NCOA2: variants seen among roughly 807,000 people sequenced by gnomAD.
NCOA2 encodes the protein class E basic helix-loop-helix protein 75.
Under a neutral mutation model 145.1 loss-of-function variants are expected in NCOA2, and 21 were observed. That is an observed-to-expected ratio of 0.14 (90% confidence interval 0.10 to 0.21). The LOEUF is 0.21. NCOA2 is among the 10% of genes least tolerant of loss of function. The pLI is 1.00. For synonymous variants in NCOA2, 619 were observed against 637.5 expected (o/e 0.97, Z 0.44); for missense variants, 1,472 against 1,837.6 (o/e 0.80, Z 3.64).
chr8:70,354,821 A>G (rs1809541697), intron 1 of NCOA2, among the ~76,000 whole-genome samples: 1 of 152,230 alleles, frequency 6.6e-6, no homozygotes, highest in African/African-American at 2.4e-5. Flanking sequence ...CACTTAAGCA[A>G]GACTGGGAAA....
At chr8:70,319,947 T>G (rs77673024) in intron 1 of NCOA2, among the ~76,000 whole-genome samples, 4,898 of 152,306 alleles carry the variant, frequency 0.032, 254 homozygotes, top group African/African-American at 0.11. Flanking sequence ...TATTTTTAAC[T>G]GTCCGATTTG....
intron 2 of NCOA2, among the ~76,000 whole-genome samples, chr8:70,254,630 T>TA (rs1823482888): frequency 7.6e-6 from 1 of 130,928 alleles, no homozygotes. Context: ...TGATTCCTCT[T>TA]ACATGAGGTA....
intron 1 of NCOA2, among the ~76,000 whole-genome samples, chr8:70,397,420 T>G (rs1467103219): frequency 1.4e-5 from 2 of 142,068 alleles, no homozygotes; most frequent in Non-Finnish European, 3.0e-5. Context: ...ACCACTGCAC[T>G]CCAACCTGGG....
chr8:70,202,355 T>C lies in NCOA2; in HGVS notation c.259+11548A>G, dbSNP rs572251287. Among the ~76,000 whole-genome samples the C allele has an allele frequency of 5.9e-5, 9 of 152,292 alleles. No homozygotes were observed. In the East Asian group the frequency reaches 7.7e-4, roughly 13 times the overall value. On this transcript the variant is annotated intron_variant, in intron 4 of 22. Transcript: ENST00000452400. Reference sequence around the variant, plus strand: ...ACTTCTGGGTATATACCCAAAAGAATTGAAAACAGGATCTCAAAGAGATAT... The same window carrying C: ...ACTTCTGGGTATATACCCAAAAGAACTGAAAACAGGATCTCAAAGAGATAT...
intron 2 of NCOA2, among the ~76,000 whole-genome samples, chr8:70,229,900 T>C (rs957616120): frequency 2.6e-5 from 4 of 152,210 alleles, no homozygotes; most frequent in East Asian, 3.9e-4. Flanking sequence ...ATGGGTGACC[T>C]GAAATCTGAC....
chr8:70,153,166 T>A (rs1280426822), intron 11 of NCOA2, among the ~76,000 whole-genome samples: 2 of 152,160 alleles, frequency 1.3e-5, no homozygotes, highest in Non-Finnish European at 2.9e-5. Flanking sequence ...GAGTTTTACA[T>A]GAGAGTAAAG....
chr8:70,356,011 C>T (rs1809654342), intron 1 of NCOA2, among the ~76,000 whole-genome samples: 1 of 152,184 alleles, frequency 6.6e-6, no homozygotes, highest in South Asian at 2.1e-4. Context: ...AGGGATACTA[C>T]ATTTAAATGG....
At chr8:70,420,405 A>G in the NCOA2 span, among the ~76,000 whole-genome samples, 9 of 152,192 alleles carry the variant, frequency 5.9e-5, no homozygotes, top group Non-Finnish European at 1.2e-4. Flanking sequence ...AATAAATTAG[A>G]AACACCAGTC....
intron 4 of NCOA2, among the ~76,000 whole-genome samples, chr8:70,177,910 T>A (rs1815047241): frequency 6.6e-6 from 1 of 152,238 alleles, no homozygotes; most frequent in Admixed American, 6.5e-5. Context: ...ATGGTATCTA[T>A]ACTAATGTTG....
At chr8:70,429,452 G>C in the NCOA2 span, among the ~76,000 whole-genome samples, 1 of 152,116 alleles carries the variant, frequency 6.6e-6, no homozygotes, top group South Asian at 2.1e-4. Flanking sequence ...TTTTCTTTCT[G>C]CTTCCCTTCC....
intron 1 of NCOA2, among the ~76,000 whole-genome samples, chr8:70,308,153 A>G (rs762868541): frequency 6.6e-5 from 10 of 152,238 alleles, no homozygotes; most frequent in Non-Finnish European, 1.2e-4. Context: ...AACTAAAAGA[A>G]AAAATGTAAT....
intron 1 of NCOA2, among the ~76,000 whole-genome samples, chr8:70,336,431 A>G (rs1050699720): frequency 6.6e-6 from 1 of 152,164 alleles, no homozygotes; most frequent in Non-Finnish European, 1.5e-5. Flanking sequence ...ATGTTTAATT[A>G]TATGTACGTA....
intron 15 of NCOA2, among the ~76,000 whole-genome samples, chr8:70,137,084 G>C (rs570247305): frequency 1.1e-3 from 167 of 152,356 alleles, no homozygotes; most frequent in African/African-American, 3.8e-3. Context: ...TTGTTGCCCA[G>C]GCTGGAGTGC....
intron 15 of NCOA2, 28 bp downstream of exon 15, chr8:70,138,175 C>A: frequency 5.0e-6 from 8 of 1,588,614 alleles, no homozygotes; most frequent in Non-Finnish European, 6.8e-6. Context: ...TATAAAATAA[C>A]TGGCTACCCT....
chr8:70,275,393 T>A (rs557866191), intron 2 of NCOA2, among the ~76,000 whole-genome samples: 2 of 152,160 alleles, frequency 1.3e-5, no homozygotes, highest in Non-Finnish European at 2.9e-5. Flanking sequence ...AAAAATACTA[T>A]ATAAATCATG....
the NCOA2 span, among the ~76,000 whole-genome samples, chr8:70,416,100 G>A: frequency 6.6e-6 from 1 of 152,214 alleles, no homozygotes; most frequent in South Asian, 2.1e-4. Context: ...AGGCCAGTAG[G>A]GTGGAAATTG....
chr8:70,320,458 G>A (rs1805950774), intron 1 of NCOA2, among the ~76,000 whole-genome samples: 1 of 152,134 alleles, frequency 6.6e-6, no homozygotes, highest in African/African-American at 2.4e-5. Context: ...GGAAAGGAAT[G>A]TGGTTTTTTG....
At chr8:70,163,618 A>G (rs1813300263) in intron 7 of NCOA2, 52 bp from the exon 8 acceptor site, 1 of 1,387,326 alleles carries the variant, frequency 7.2e-7, no homozygotes, top group Non-Finnish European at 1.0e-6. Flanking sequence ...TAGTGATTCA[A>G]ACAAACCCAA....
At chr8:70,252,003 A>G (rs1351192053) in intron 2 of NCOA2, among the ~76,000 whole-genome samples, 1 of 152,244 alleles carries the variant, frequency 6.6e-6, no homozygotes, top group Non-Finnish European at 1.5e-5. Flanking sequence ...ACCTACACAC[A>G]GACTTTAAAT....
Sources: gnomAD v4.1 joint callset for allele counts (sites outside exome capture counted in the v4.1 genomes callset) on GRCh38, gnomAD v4.1.1 for gene constraint, MANE v1.5 for transcripts, NCBI Gene and HGNC (gene_info 2026-07-23, HGNC 2026-07-21) for gene names.